DYM: variants seen among roughly 807,000 people sequenced by gnomAD.
DYM encodes dyggve-Melchior-Clausen syndrome protein.
DYM carries 78 observed loss-of-function variants against 93.1 expected under a neutral mutation model. The observed-to-expected ratio is 0.84, with a 90% CI of 0.70 to 1.01. DYM has a LOEUF of 1.01. Among genes scored for constraint, DYM ranks in the 50% least tolerant of loss-of-function variants. The probability of loss-of-function intolerance (pLI) is 0.00; values close to 1 mark genes in which losing one functional copy is unlikely to be tolerated. For missense variants in DYM, 789 were observed against 845.0 expected (o/e 0.93, Z 0.82); for synonymous variants, 321 against 319.7 (o/e 1.00, Z -0.04).
chr18:49,185,700 G>A (rs1249364764), intron 14 of DYM, among the ~76,000 whole-genome samples: 2 of 152,188 alleles, frequency 1.3e-5, no homozygotes, highest in African/African-American at 4.8e-5. Flanking sequence ...GACATGTACT[G>A]TGCAAAGTAT....
intron 8 of DYM, among the ~76,000 whole-genome samples, chr18:49,289,760 TATATATATATATAC>T (rs1568181221): frequency 5.6e-4 from 21 of 37,590 alleles, no homozygotes; most frequent in African/African-American, 1.8e-3. Context: ...TATATATATA[TATATATATATATAC>T]ACATATATAT....
At chr18:49,127,874 T>G (rs1217244279) in intron 15 of DYM, among the ~76,000 whole-genome samples, 1 of 152,160 alleles carries the variant, frequency 6.6e-6, no homozygotes, top group African/African-American at 2.4e-5. Context: ...TGGGTAACCT[T>G]AATAAAGCAG....
At chr18:49,097,891 C>CTCTT (rs1160537427) in intron 16 of DYM, among the ~76,000 whole-genome samples, 3 of 148,308 alleles carry the variant, frequency 2.0e-5, no homozygotes, top group Non-Finnish European at 2.9e-5. Context: ...CTCTCTCTCT[C>CTCTT]TCTCTCTCTC....
chr18:49,372,036 T>A (rs2067089419), intron 5 of DYM, among the ~76,000 whole-genome samples: 1 of 152,222 alleles, frequency 6.6e-6, no homozygotes, highest in African/African-American at 2.4e-5. Context: ...ATACCTAAGA[T>A]GCCTCAGTTG....
At chr18:49,145,945 T>A (rs1024624735) in intron 15 of DYM, among the ~76,000 whole-genome samples, 2 of 152,152 alleles carry the variant, frequency 1.3e-5, no homozygotes, top group African/African-American at 4.8e-5. Flanking sequence ...TTCTAATAGT[T>A]CCCTTTACAT....
chr18:49,325,912 G>C (rs937477182), intron 8 of DYM, among the ~76,000 whole-genome samples: 1 of 152,150 alleles, frequency 6.6e-6, no homozygotes. Flanking sequence ...TCCACCATAA[G>C]CTGCCTCGAA....
chr18:49,452,205 C>T (rs2082576570), intron 1 of DYM, among the ~76,000 whole-genome samples: 1 of 152,130 alleles, frequency 6.6e-6, no homozygotes, highest in Admixed American at 6.6e-5. Flanking sequence ...CTGGTGGGTT[C>T]GTGCTCTCGC....
intron 11 of DYM, among the ~76,000 whole-genome samples, chr18:49,266,620 T>C (rs965739513): frequency 8.5e-5 from 13 of 152,104 alleles, no homozygotes; most frequent in Non-Finnish European, 1.5e-4. Flanking sequence ...TCAACTTAAA[T>C]AAAAAGAAGA....
chr18:49,065,488 G>A lies in DYM; in HGVS notation c.2026-21284C>T, dbSNP rs541979190. ...AGCAATTCTCCTGCCTCACCCTCCCGAGTAGCTGGGATTACAGGGATGCAC... is the reference window on the plus strand; with the variant it reads ...AGCAATTCTCCTGCCTCACCCTCCCAAGTAGCTGGGATTACAGGGATGCAC... On this transcript the variant is annotated intron_variant, in intron 17 of 17. Coordinates refer to ENST00000675505, the MANE Select transcript of DYM (RefSeq NM_001353214.3). Among the ~76,000 whole-genome samples the A allele has an allele frequency of 9.4e-4, 143 of 152,126 alleles. 1 individual carries two copies. Among genetic ancestry groups the A allele is most frequent in the African/African-American group, 3.2e-3 (134 of 41,504 alleles).
At chr18:49,314,950 C>G (rs897914055) in intron 8 of DYM, among the ~76,000 whole-genome samples, 6 of 152,126 alleles carry the variant, frequency 3.9e-5, no homozygotes, top group Admixed American at 3.3e-4. Context: ...GGTGGTGGCT[C>G]AGGCCTATAA....
At chr18:49,148,753 A>G (rs2085455555) in intron 15 of DYM, among the ~76,000 whole-genome samples, 1 of 152,148 alleles carries the variant, frequency 6.6e-6, no homozygotes, top group African/African-American at 2.4e-5. Flanking sequence ...AGATTCAGAT[A>G]AACTCCTTTC....
At chr18:49,382,474 T>C (rs1290611411) in intron 3 of DYM, among the ~76,000 whole-genome samples, 1 of 152,186 alleles carries the variant, frequency 6.6e-6, no homozygotes, top group African/African-American at 2.4e-5. Context: ...AATATCTCAA[T>C]GGTAGAAGAA....
intron 14 of DYM, among the ~76,000 whole-genome samples, chr18:49,188,847 A>G (rs188018242): frequency 2.6e-5 from 4 of 152,244 alleles, no homozygotes; most frequent in Non-Finnish European, 4.4e-5. Context: ...AATAATAAAA[A>G]AAAGAATATG....
intron 13 of DYM, among the ~76,000 whole-genome samples, chr18:49,234,626 T>C (rs767260918): frequency 5.3e-5 from 8 of 152,146 alleles, no homozygotes; most frequent in Non-Finnish European, 8.8e-5. Flanking sequence ...GACTGTGTGA[T>C]AGGCAGAATT....
At chr18:49,147,918 C>A (rs891280294) in intron 15 of DYM, among the ~76,000 whole-genome samples, 3 of 152,112 alleles carry the variant, frequency 2.0e-5, no homozygotes, top group East Asian at 3.9e-4. Flanking sequence ...GCACTATTCA[C>A]GATAGCAAAG....
intron 16 of DYM, among the ~76,000 whole-genome samples, chr18:49,104,834 C>A (rs2080608313): frequency 6.6e-6 from 1 of 152,152 alleles, no homozygotes; most frequent in Non-Finnish European, 1.5e-5. Flanking sequence ...AGGATTTTTG[C>A]ACCAATGTTC....
intron 17 of DYM, among the ~76,000 whole-genome samples, chr18:49,046,089 C>T (rs1389217984): frequency 1.5e-5 from 2 of 130,474 alleles, no homozygotes; most frequent in Non-Finnish European, 3.5e-5. Context: ...TGCGCGCACA[C>T]ACACACACAC....
intron 2 of DYM, among the ~76,000 whole-genome samples, chr18:49,428,242 G>T (rs571084349): frequency 6.6e-6 from 1 of 151,602 alleles, no homozygotes; most frequent in East Asian, 2.0e-4. Context: ...CTTGAGCCCA[G>T]GAGTTCAAGA....
intron 15 of DYM, among the ~76,000 whole-genome samples, chr18:49,126,966 T>C (rs2082888047): frequency 6.6e-6 from 1 of 152,252 alleles, no homozygotes; most frequent in Non-Finnish European, 1.5e-5. Context: ...GACTTGCATT[T>C]ATGAAATAAG....
Sources: allele counts gnomAD v4.1 joint callset (sites outside exome capture counted in the v4.1 genomes callset), GRCh38; gene constraint gnomAD v4.1.1; transcripts MANE v1.5; gene names NCBI Gene and HGNC (gene_info 2026-07-23, HGNC 2026-07-21).